The following ZNF451 variants were observed in gnomAD, a reference collection of about 807,000 sequenced individuals.
ZNF451 encodes the protein zinc finger protein 451.
ZNF451 carries 80 observed loss-of-function variants against 107.1 expected under a neutral mutation model. The observed-to-expected ratio is 0.75, with a 90% CI of 0.62 to 0.90. The LOEUF is 0.90. Among genes scored for constraint, ZNF451 ranks in the 40% least tolerant of loss-of-function variants. The probability of loss-of-function intolerance (pLI) is 0.00; values close to 1 mark genes in which losing one functional copy is unlikely to be tolerated. For missense variants in ZNF451, 1,107 were observed against 1,236.2 expected, an observed-to-expected ratio of 0.90 and a Z score of 1.57; for synonymous variants, 362 against 406.5, an observed-to-expected ratio of 0.89 and a Z score of 1.32.
intron 3 of ZNF451, chr6:57,100,657 T>C (rs1227342969): frequency 1.3e-6 from 2 of 1,549,096 alleles, no homozygotes; most frequent in African/African-American, 1.4e-5. Flanking sequence ...AGAAATGTGC[T>C]CTAGCTGCAA....
Position 57,124,879 on chromosome 6 carries a change from G to C in ZNF451, c.312+20G>C. 7.1e-7 allele frequency: 1 copy of C among 1,409,058 alleles called. No individual in the cohort carries two copies. The highest frequency in any genetic ancestry group is 9.4e-7 in the Non-Finnish European group (1 of 1,068,776). The allele number at this position is 1,409,058 out of a possible 1,614,324, so 87.3% of individuals were successfully genotyped here. On this transcript the variant is annotated intron_variant, in intron 4 of 14. Coordinates refer to ENST00000370706, the MANE Select transcript of ZNF451 (RefSeq NM_001031623.3). ...TTCAGAGTATGTGCTATTTTAATTG[G>C]TATTTTATATAATTAAAAAATTATT... is the stretch of plus-strand genomic sequence containing the variant.
chr6:57,163,624 G>A (rs1344067557), intron 14 of ZNF451, among the ~76,000 whole-genome samples: 9 of 148,322 alleles, frequency 6.1e-5, no homozygotes, highest in Admixed American at 6.7e-5. Flanking sequence ...CTAATTTTTT[G>A]TATTTTTAGT....
chr6:57,125,144 TTTCTGGTTA>T (rs1406830973), intron 4 of ZNF451, among the ~76,000 whole-genome samples: 7 of 152,298 alleles, frequency 4.6e-5, no homozygotes, highest in African/African-American at 1.4e-4. Context: ...AATTAACAAG[TTTCTGGTTA>T]TTTTATCATA....
intron 2 of ZNF451, among the ~76,000 whole-genome samples, chr6:57,095,579 G>A (rs945486702): frequency 6.6e-5 from 10 of 151,708 alleles, no homozygotes; most frequent in African/African-American, 2.2e-4. Context: ...GTGATCCTCC[G>A]TCATCGGCCT....
intron 3 of ZNF451, among the ~76,000 whole-genome samples, chr6:57,110,016 GC>G: frequency 6.6e-6 from 1 of 152,294 alleles, no homozygotes; most frequent in Admixed American, 6.5e-5. Context: ...TTGGAAGAAT[GC>G]CTGTGGTGAT....
At position 57,150,455 on chromosome 6, in the gene ZNF451, A is replaced by G. The variant is rs572829994; in HGVS notation, c.2609-264A>G. 3.4e-5 allele frequency: 10 copies of G among 294,866 alleles called. No individual in the cohort carries two copies. In the South Asian group the frequency reaches 1.6e-3, roughly 46 times the overall value. 18.3% of individuals were successfully genotyped at this position (294,866 alleles called of 1,614,324 possible). A position where few individuals can be genotyped will look rare whatever the true frequency, so the allele number is the denominator to read the frequency against. On this transcript the variant is annotated intron_variant, in intron 10 of 14. Transcript: ENST00000370706. ...AATTCCTTGTATAAGTGACTTTTTA[A>G]CAAGCTTTAGAGTTGTTGGAAGAAA...
chr6:57,158,545 C>T (rs1257729824), intron 13 of ZNF451: 2 of 985,246 alleles, frequency 2.0e-6, no homozygotes, highest in African/African-American at 1.7e-5. Flanking sequence ...GGCACTAGAA[C>T]TACAAGCACT....
At chr6:57,101,958 A>T in intron 3 of ZNF451, 1 of 1,550,582 alleles carries the variant, frequency 6.4e-7, no homozygotes, top group East Asian at 2.4e-5. Flanking sequence ...ATCAGCATCG[A>T]TACTTTTATA....
chr6:57,101,497 A>G (rs1829594887), intron 3 of ZNF451: 7 of 1,551,030 alleles, frequency 4.5e-6, no homozygotes, highest in Admixed American at 2.0e-5. Flanking sequence ...AGGAAACACA[A>G]CATCCCCTCT....
chr6:57,137,793 C>T (rs886133457), intron 7 of ZNF451, among the ~76,000 whole-genome samples: 1 of 152,162 alleles, frequency 6.6e-6, no homozygotes. Flanking sequence ...CACTAAGCTA[C>T]TTTGTGTCTC....
intron 3 of ZNF451, among the ~76,000 whole-genome samples, chr6:57,113,607 C>G (rs1375010595): frequency 6.7e-6 from 1 of 149,444 alleles, no homozygotes. Context: ...CATGGGTCTT[C>G]TGAGAAAAAA....
At position 57,153,965 on chromosome 6, in the gene ZNF451, G is replaced by T; in HGVS notation, c.2988G>T (p.Arg996Ser). The T allele has an allele frequency of 6.2e-7, 1 of 1,614,120 alleles. No homozygotes were observed. The highest frequency in any genetic ancestry group is 8.5e-7 in the Non-Finnish European group (1 of 1,180,016). ...ELENQFKKTQ[R>S]PAHILNPHHL... ...AGAATCAATTTAAGAAGACTCAGAGGCCAGCTCATATACTAAACCCTCACC... is the reference window on the plus strand; with the variant it reads ...AGAATCAATTTAAGAAGACTCAGAGTCCAGCTCATATACTAAACCCTCACC... Residue 996 changes from arginine to serine, a missense_variant, in exon 13 of 15, where the codon AGG becomes AGT. Physicochemically the swap from Arg to Ser is moderately radical, Grantham distance 110 (BLOSUM62 -1). Coordinates refer to ENST00000370706, the MANE Select transcript of ZNF451 (RefSeq NM_001031623.3).
chr6:57,101,941 T>G (rs1394251909), intron 3 of ZNF451: 1 of 1,550,398 alleles, frequency 6.4e-7, no homozygotes. Flanking sequence ...AGATCACAAA[T>G]ACTATAATCA....
intron 3 of ZNF451, chr6:57,124,363 C>A: frequency 1.4e-6 from 1 of 705,012 alleles, no homozygotes; most frequent in Admixed American, 2.0e-5. Context: ...GAGGTTCCTG[C>A]TAGAAGGTTT....
intron 3 of ZNF451, among the ~76,000 whole-genome samples, chr6:57,119,900 C>T (rs11965193): frequency 0.14 from 20,567 of 151,578 alleles, 2,368 homozygotes; most frequent in East Asian, 0.58. Context: ...AAGTTGTCCA[C>T]TTTGCCTGTA....
chr6:57,152,519 C>T (rs1439215157), intron 12 of ZNF451, among the ~76,000 whole-genome samples, 168 bp downstream of exon 12: 1 of 152,188 alleles, frequency 6.6e-6, no homozygotes, highest in African/African-American at 2.4e-5. Context: ...GCTTTATCCT[C>T]AACTTCTAGC....
At chr6:57,110,774 T>C (rs1207199063) in intron 3 of ZNF451, among the ~76,000 whole-genome samples, 1 of 152,178 alleles carries the variant, frequency 6.6e-6, no homozygotes. Context: ...GAACCCTCTC[T>C]AGGTGTTTCA....
Position 57,148,646 on chromosome 6 carries a change from T to C in ZNF451, c.2561T>C (p.Leu854Ser). ...LKQAINYSKS[L>S]DMEKGVENDL... ...CAGGCAATAAACTATTCAAAAAGTT[T>C]AGACATGGAGAAAGGAGTTGAGAAT... is the stretch of plus-strand genomic sequence containing the variant. The change falls in exon 10 of 15, where the codon TTA becomes TCA. Residue 854 changes from leucine to serine, a missense_variant. Leu to Ser is a moderately radical substitution (Grantham distance 145). Transcript: ENST00000370706. 1 of 1,613,694 alleles carries C rather than the reference T, an allele frequency of 6.2e-7. No homozygotes were observed. The highest frequency in any genetic ancestry group is 8.5e-7 in the Non-Finnish European group (1 of 1,179,836).
intron 3 of ZNF451, chr6:57,103,747 T>G: frequency 1.0e-6 from 1 of 985,358 alleles, no homozygotes; most frequent in Non-Finnish European, 1.2e-6. Flanking sequence ...GGCACTGTTT[T>G]ACGGTTTATG....
Sources: gnomAD v4.1 joint callset for allele counts (sites outside exome capture counted in the v4.1 genomes callset) on GRCh38, gnomAD v4.1.1 for gene constraint, MANE v1.5 for transcripts, NCBI Gene and HGNC (gene_info 2026-07-23, HGNC 2026-07-21) for gene names.